Variants in SETBP1 observed in about 807,000 individuals in gnomAD.
SETBP1 encodes the protein SET binding protein 1.
SETBP1 carries 9 observed loss-of-function variants against 101.0 expected under a neutral mutation model. The ratio of observed to expected loss-of-function variants is 0.09; its 90% CI spans 0.05 to 0.16. SETBP1 has a LOEUF of 0.16. Ranked by LOEUF, SETBP1 falls within the 10% of genes least tolerant of loss-of-function variation. SETBP1 has a pLI of 1.00. For missense variants in SETBP1, 1,858 were observed against 2,033.8 expected, an observed-to-expected ratio of 0.91 and a Z score of 1.66; for synonymous variants, 818 against 788.5, an observed-to-expected ratio of 1.04 and a Z score of -0.63.
chr18:45,040,597 T>C (rs937438738), intron 5 of SETBP1, among the ~76,000 whole-genome samples: 2 of 150,914 alleles, frequency 1.3e-5, no homozygotes, highest in African/African-American at 4.9e-5. Flanking sequence ...AGACAGGTGG[T>C]CCCCCATTTT....
At chr18:45,019,963 T>A (rs577316084) in intron 4 of SETBP1, among the ~76,000 whole-genome samples, 1 of 152,250 alleles carries the variant, frequency 6.6e-6, no homozygotes, top group South Asian at 2.1e-4. Context: ...AAATTCCTTG[T>A]AACATTTAGT....
chr18:45,037,432 T>C (rs886480911), intron 4 of SETBP1, among the ~76,000 whole-genome samples: 8 of 152,144 alleles, frequency 5.3e-5, no homozygotes, highest in African/African-American at 1.9e-4. Context: ...ATAATAATGT[T>C]AAGCACTTTT....
chr18:45,006,458 G>A (rs2072729317), intron 4 of SETBP1, among the ~76,000 whole-genome samples: 1 of 152,180 alleles, frequency 6.6e-6, no homozygotes, highest in African/African-American at 2.4e-5. Flanking sequence ...TCTGGAGGCT[G>A]GAAGTCCAAG....
At chr18:44,872,506 T>G (rs1261992059) in intron 3 of SETBP1, among the ~76,000 whole-genome samples, 2 of 152,216 alleles carry the variant, frequency 1.3e-5, no homozygotes, top group Non-Finnish European at 2.9e-5. Context: ...GCACTAGTTG[T>G]TAGTACCATC....
At chr18:44,878,434 G>A (rs146154508) in intron 3 of SETBP1, among the ~76,000 whole-genome samples, 8 of 151,734 alleles carry the variant, frequency 5.3e-5, no homozygotes, top group African/African-American at 1.9e-4. Flanking sequence ...GGTTATTGAT[G>A]TTTTGTACTG....
At chr18:45,054,645 A>T (rs537852672) in intron 5 of SETBP1, among the ~76,000 whole-genome samples, 49 of 152,192 alleles carry the variant, frequency 3.2e-4, no homozygotes, top group African/African-American at 1.1e-3. Context: ...CTTATTTCTG[A>T]GGTCTCTGTT....
intron 2 of SETBP1, among the ~76,000 whole-genome samples, chr18:44,774,824 G>A (rs182090496): frequency 6.6e-6 from 1 of 152,108 alleles, no homozygotes; most frequent in Admixed American, 6.5e-5. Flanking sequence ...ACAAATGACT[G>A]TACCCTCTCA....
intron 2 of SETBP1, among the ~76,000 whole-genome samples, chr18:44,724,063 T>A (rs1232118412): frequency 6.6e-6 from 1 of 152,170 alleles, no homozygotes; most frequent in Non-Finnish European, 1.5e-5. Context: ...ATTCCACGCC[T>A]TTCTCAAATA....
At chr18:44,814,357 G>T (rs1276564330) in intron 2 of SETBP1, among the ~76,000 whole-genome samples, 1 of 152,214 alleles carries the variant, frequency 6.6e-6, no homozygotes, top group African/African-American at 2.4e-5. Flanking sequence ...AAAGAAAACA[G>T]ATAGCAAATT....
intron 3 of SETBP1, among the ~76,000 whole-genome samples, chr18:44,937,518 G>GT (rs542475382): frequency 7.3e-5 from 11 of 151,318 alleles, no homozygotes; most frequent in Non-Finnish European, 1.5e-4. Context: ...AAGCTCAGGT[G>GT]TAAGAGGTCA....
intron 2 of SETBP1, among the ~76,000 whole-genome samples, chr18:44,731,660 G>GCA (rs140767298): frequency 5.3e-5 from 8 of 150,608 alleles, no homozygotes; most frequent in South Asian, 2.1e-4. Flanking sequence ...ACACGCGCAC[G>GCA]CACACACACA....
intron 2 of SETBP1, among the ~76,000 whole-genome samples, chr18:44,752,249 A>G (rs1322126881): frequency 2.0e-5 from 3 of 152,254 alleles, no homozygotes; most frequent in African/African-American, 7.2e-5. Flanking sequence ...GAGACACTGC[A>G]GGACTCCAGT....
chr18:44,846,751 T>A (rs1054188062), intron 2 of SETBP1, among the ~76,000 whole-genome samples: 3 of 152,260 alleles, frequency 2.0e-5, no homozygotes, highest in Admixed American at 1.3e-4. Flanking sequence ...GATTAGGATG[T>A]CTGCCTCCAA....
At chr18:45,047,807 G>A (rs529906920) in intron 5 of SETBP1, among the ~76,000 whole-genome samples, 61 of 152,156 alleles carry the variant, frequency 4.0e-4, no homozygotes, top group African/African-American at 1.3e-3. Context: ...AAGGAGGCAG[G>A]GACAGAGAAT....
intron 3 of SETBP1, among the ~76,000 whole-genome samples, chr18:44,901,061 A>G (rs1299520640): frequency 6.6e-6 from 1 of 152,226 alleles, no homozygotes; most frequent in Non-Finnish European, 1.5e-5. Context: ...GGTCTTTAAT[A>G]TATAAAACAG....
At chr18:44,807,168 G>T (rs964850840) in intron 2 of SETBP1, among the ~76,000 whole-genome samples, 6 of 152,148 alleles carry the variant, frequency 3.9e-5, no homozygotes. Context: ...TGTGAGCTCA[G>T]ACTGAGGCTC....
chr18:44,731,220 C>G (rs753281138), intron 2 of SETBP1, among the ~76,000 whole-genome samples: 7 of 152,152 alleles, frequency 4.6e-5, no homozygotes, highest in Non-Finnish European at 1.0e-4. Flanking sequence ...GCTGCAAGGC[C>G]CCTTATGTAT....
chr18:44,898,147 T>C (rs1223826083), intron 3 of SETBP1, among the ~76,000 whole-genome samples: 1 of 152,198 alleles, frequency 6.6e-6, no homozygotes, highest in Non-Finnish European at 1.5e-5. Flanking sequence ...CTCCACATTC[T>C]TTCTGGATCC....
rs1368117075 is a variant in SETBP1, at chr18:44,952,309, T to C, written c.2969T>C (p.Phe990Ser). 3 of 1,614,060 alleles carry C rather than the reference T, an allele frequency of 1.9e-6. No homozygotes were observed. The highest frequency in any genetic ancestry group is 3.3e-5 in the Admixed American group (2 of 60,004). ...NPYPSIFRIN[F>S]DHYYPVPYIQ... ...TATCCCAGCATTTTTCGGATTAATT[T>C]TGATCACTATTACCCGGTGCCATAT... The change falls in exon 4 of 6, where the codon TTT (phenylalanine) becomes TCT (serine). Residue 990 changes from phenylalanine (F) to serine (S), a missense_variant. Phe to Ser is a radical substitution (Grantham distance 155, BLOSUM62 -2). This residue lies in a region of SETBP1 where 255 missense variants were observed against 300.1 expected (regional missense o/e 0.85). Coordinates refer to ENST00000649279, the MANE Select transcript of SETBP1 (RefSeq NM_015559.3).
Sources: gnomAD v4.1 joint callset for allele counts (sites outside exome capture counted in the v4.1 genomes callset) on GRCh38, gnomAD v4.1.1 for gene constraint, gnomAD v4.1.1 regional missense constraint, MANE v1.5 for transcripts, NCBI Gene and HGNC (gene_info 2026-07-23, HGNC 2026-07-21) for gene names.